The following TTC28 variants were observed in gnomAD, a reference collection of about 807,000 sequenced individuals.
TTC28 encodes the protein tetratricopeptide repeat domain 28, also known as tetratricopeptide repeat protein 28.
A neutral mutation model predicts 198.0 loss-of-function variants in TTC28; 61 were observed. The observed-to-expected ratio is 0.31, with a 90% CI of 0.25 to 0.38. TTC28 has a LOEUF of 0.38. TTC28 is among the 10% of genes least tolerant of loss of function. The probability of loss-of-function intolerance (pLI) is 1.00; values close to 1 mark genes in which losing one functional copy is unlikely to be tolerated. For missense variants in TTC28, 2,678 were observed against 3,164.0 expected (o/e 0.85, Z 3.69); for synonymous variants, 1,171 against 1,297.8 (o/e 0.90, Z 2.10).
intron 15 of TTC28, 33 bp downstream of exon 15, chr22:28,001,341 C>T (rs1457255006): frequency 2.0e-6 from 3 of 1,524,860 alleles, no homozygotes; most frequent in African/African-American, 1.4e-5. Context: ...CGAAAACAAG[C>T]CCCCGGCCCC....
At chr22:28,076,259 AAGACCCACTGTACATTGAATG>A (rs1310739743) in intron 12 of TTC28, among the ~76,000 whole-genome samples, 2 of 152,202 alleles carry the variant, frequency 1.3e-5, no homozygotes, top group African/African-American at 4.8e-5. Context: ...TAAATGTTCA[AAGACCCACTGTACATTGAATG>A]AGGCTAATGA....
intron 12 of TTC28, among the ~76,000 whole-genome samples, chr22:28,093,614 T>G (rs1464773425): frequency 6.6e-6 from 1 of 152,242 alleles, no homozygotes; most frequent in Non-Finnish European, 1.5e-5. Flanking sequence ...TTCTTCATAT[T>G]TGAGAGTTCA....
chr22:28,457,055 T>C (rs1159084406), intron 2 of TTC28, among the ~76,000 whole-genome samples: 1 of 152,206 alleles, frequency 6.6e-6, no homozygotes, highest in Non-Finnish European at 1.5e-5. Flanking sequence ...GACCACAGAA[T>C]ACATTTCTAT....
intron 5 of TTC28, among the ~76,000 whole-genome samples, chr22:28,277,111 A>T (rs117512761): frequency 0.012 from 1,785 of 152,270 alleles, 27 homozygotes; most frequent in East Asian, 0.057. Flanking sequence ...TGCCACTCTC[A>T]ATCTCTATCT....
Position 28,059,935 on chromosome 22 carries a change from T to G in TTC28, c.3933-29569A>C, listed in dbSNP as rs528817829. On this transcript the variant is annotated intron_variant, in intron 12 of 22. Transcript: ENST00000397906. Reference sequence around the variant, plus strand: ...TTTCTACCCATTTATTTTCAATCTATAGGTAAATATCAGAGATTTTGGTTC... The same window carrying G: ...TTTCTACCCATTTATTTTCAATCTAGAGGTAAATATCAGAGATTTTGGTTC... Among the ~76,000 whole-genome samples, 5 of 152,068 alleles carry G rather than the reference T, an allele frequency of 3.3e-5. No individual in the cohort carries two copies. The South Asian group carries it at 1.0e-3, about 32-fold the overall frequency.
intron 2 of TTC28, among the ~76,000 whole-genome samples, chr22:28,329,526 C>CA (rs2145870239): frequency 6.6e-6 from 1 of 152,238 alleles, no homozygotes; most frequent in Non-Finnish European, 1.5e-5. Flanking sequence ...TTTTATTTTA[C>CA]AAAAATAAGG....
chr22:28,259,725 AT>A (rs1346314265), intron 5 of TTC28, among the ~76,000 whole-genome samples: 1 of 152,126 alleles, frequency 6.6e-6, no homozygotes, highest in Non-Finnish European at 1.5e-5. Flanking sequence ...GATGTTTAGA[AT>A]CCACTAAGAA....
chr22:28,586,262 G>A (rs1221038492), intron 2 of TTC28, among the ~76,000 whole-genome samples: 1 of 149,878 alleles, frequency 6.7e-6, no homozygotes, highest in Admixed American at 6.6e-5. Context: ...CTGGGCAACT[G>A]AGCGAGACTC....
At chr22:28,156,716 A>G (rs1943756287) in intron 6 of TTC28, among the ~76,000 whole-genome samples, 1 of 152,240 alleles carries the variant, frequency 6.6e-6, no homozygotes, top group Non-Finnish European at 1.5e-5. Flanking sequence ...CAGGCAGGAA[A>G]GAAGTCAGAG....
chr22:28,437,860 G>C (rs1279428475), intron 2 of TTC28, among the ~76,000 whole-genome samples: 2 of 152,102 alleles, frequency 1.3e-5, no homozygotes, highest in African/African-American at 2.4e-5. Flanking sequence ...GGAAAAAAGA[G>C]GCCAGAAAAA....
chr22:28,361,100 AG>A, intron 2 of TTC28, among the ~76,000 whole-genome samples: 1 of 152,182 alleles, frequency 6.6e-6, no homozygotes, highest in African/African-American at 2.4e-5. Context: ...AATTAAGCCA[AG>A]TAATAACCCT....
At chr22:28,084,683 G>C (rs572273440) in intron 12 of TTC28, among the ~76,000 whole-genome samples, 2 of 152,326 alleles carry the variant, frequency 1.3e-5, no homozygotes, top group Non-Finnish European at 2.9e-5. Flanking sequence ...CGAGTTGAGA[G>C]AGGAAGGCTT....
intron 2 of TTC28, among the ~76,000 whole-genome samples, chr22:28,556,575 T>A (rs1193081265): frequency 6.6e-6 from 1 of 152,228 alleles, no homozygotes; most frequent in East Asian, 1.9e-4. Context: ...TTGTCTTTGA[T>A]GTTCTTTAGT....
intron 2 of TTC28, among the ~76,000 whole-genome samples, chr22:28,417,078 T>A (rs563818038): frequency 1.3e-5 from 2 of 152,004 alleles, no homozygotes; most frequent in South Asian, 4.2e-4. Flanking sequence ...TATGCTGACA[T>A]GGACCTTAGG....
intron 2 of TTC28, among the ~76,000 whole-genome samples, chr22:28,366,985 T>C (rs117598453): frequency 1.3e-5 from 2 of 151,972 alleles, no homozygotes; most frequent in African/African-American, 4.8e-5. Context: ...AATACAATCA[T>C]AGCTGGAGAC....
intron 2 of TTC28, among the ~76,000 whole-genome samples, chr22:28,586,792 A>G (rs921326021): frequency 1.3e-5 from 2 of 152,220 alleles, no homozygotes; most frequent in African/African-American, 4.8e-5. Flanking sequence ...AAGTGCTTCA[A>G]CCAATATTTT....
At chr22:28,583,673 T>TA (rs560506505) in intron 2 of TTC28, among the ~76,000 whole-genome samples, 166 of 152,240 alleles carry the variant, frequency 1.1e-3, no homozygotes, top group Non-Finnish European at 1.4e-3. Context: ...CCAGGAGCTT[T>TA]AAAAAAATCA....
intron 2 of TTC28, among the ~76,000 whole-genome samples, chr22:28,430,036 ATTTTTT>A (rs919396993): frequency 5.5e-5 from 6 of 109,978 alleles, no homozygotes; most frequent in East Asian, 2.8e-4. Context: ...CTGGAATATG[ATTTTTT>A]TTTTTTTTTT....
intron 2 of TTC28, among the ~76,000 whole-genome samples, chr22:28,444,440 T>C (rs1392338297): frequency 6.6e-6 from 1 of 152,190 alleles, no homozygotes; most frequent in Non-Finnish European, 1.5e-5. Flanking sequence ...AAGGGACTGC[T>C]TTTGAGTTCT....
Sources: allele counts gnomAD v4.1 joint callset (sites outside exome capture counted in the v4.1 genomes callset), GRCh38; gene constraint gnomAD v4.1.1; transcripts MANE v1.5; gene names NCBI Gene and HGNC (gene_info 2026-07-23, HGNC 2026-07-21).